HERC1: variants seen among roughly 807,000 people sequenced by gnomAD.
The protein encoded by HERC1 is probable E3 ubiquitin-protein ligase HERC1.
A neutral mutation model predicts 554.3 loss-of-function variants in HERC1; 160 were observed. That is an observed-to-expected ratio of 0.29 (90% confidence interval 0.25 to 0.33). The LOEUF is 0.33. Among genes scored for constraint, HERC1 ranks in the 10% least tolerant of loss-of-function variants. HERC1 has a pLI of 1.00. For synonymous variants in HERC1, 2,175 were observed against 2,131.7 expected (o/e 1.02, Z -0.56); for missense variants, 4,919 against 5,918.5 (o/e 0.83, Z 5.54).
intron 1 of HERC1, among the ~76,000 whole-genome samples, chr15:63,798,522 T>C (rs2076878725): frequency 6.6e-6 from 1 of 151,000 alleles, no homozygotes; most frequent in African/African-American, 2.4e-5. Flanking sequence ...ACTAAAGTCC[T>C]TCCTCTTCAT....
At position 63,696,183 on chromosome 15, in the gene HERC1, A is replaced by C; in HGVS notation, c.5062T>G (p.Leu1688Val). The C allele has an allele frequency of 6.2e-7, 1 of 1,613,764 alleles. No homozygotes were observed. The highest frequency in any genetic ancestry group is 8.5e-7 in the Non-Finnish European group (1 of 1,179,796). Reference sequence around the variant, plus strand: ...CCTCCTGTGTGTCCAACAGTGCCTAAACCAAAACACCCTGCTAGGAACTGC... The same window carrying C: ...CCTCCTGTGTGTCCAACAGTGCCTACACCAAAACACCCTGCTAGGAACTGC... The part of the protein sequence containing the change: ...RLQFLAGCFG[L>V]GTVGHTGGKG... The change falls in exon 27 of 78, where the codon TTA becomes GTA. Residue 1688 changes from leucine (L) to valine (V), a missense_variant. This residue lies in a region of HERC1 where 1,121 missense variants were observed against 1,244.0 expected (regional missense o/e 0.90). Coordinates refer to ENST00000443617, the MANE Select transcript of HERC1 (RefSeq NM_003922.4).
rs1223799984 is a variant in HERC1, at chr15:63,758,163, T to G, written c.1221+12A>C. On this transcript the variant is annotated intron_variant, in intron 4 of 77. Coordinates refer to ENST00000443617, the MANE Select transcript of HERC1 (RefSeq NM_003922.4). This position sits in a 1 kb window ranked among gnomAD's most constrained non-coding sequence, Gnocchi z 4.0. ...ATTATCTACCAGTTTGTAAGCTATTTAGAAAACTTACGGTCTGTGCATCAG... is the reference window on the plus strand; with the variant it reads ...ATTATCTACCAGTTTGTAAGCTATTGAGAAAACTTACGGTCTGTGCATCAG... 7 of 1,578,644 alleles carry G rather than the reference T, an allele frequency of 4.4e-6. No individual in the cohort carries two copies. The highest frequency in any genetic ancestry group is 6.1e-6 in the Non-Finnish European group (7 of 1,151,586).
intron 3 of HERC1, among the ~76,000 whole-genome samples, chr15:63,760,362 T>C (rs1482142219): frequency 7.0e-6 from 1 of 142,586 alleles, no homozygotes; most frequent in Non-Finnish European, 1.5e-5. Context: ...AAATCCCATA[T>C]GAAGTTATTA....
intron 14 of HERC1, among the ~76,000 whole-genome samples, chr15:63,731,184 T>A (rs985194022): frequency 6.6e-6 from 1 of 152,212 alleles, no homozygotes; most frequent in Non-Finnish European, 1.5e-5. Flanking sequence ...ATGTTTCTGT[T>A]ATTTCCAACT....
chr15:63,760,259 G>A (rs1421278335), intron 3 of HERC1, among the ~76,000 whole-genome samples: 1 of 151,838 alleles, frequency 6.6e-6, no homozygotes, highest in Non-Finnish European at 1.5e-5. Context: ...GGAGTCTATG[G>A]AGTTTAAAAA....
chr15:63,735,832 T>C (rs887345544), intron 12 of HERC1, among the ~76,000 whole-genome samples: 12 of 152,212 alleles, frequency 7.9e-5, no homozygotes, highest in African/African-American at 2.9e-4. Flanking sequence ...TCCAAAAGCA[T>C]GTGTCCTCCA....
At chr15:63,744,164 G>GTGTGTCTC in intron 12 of HERC1, among the ~76,000 whole-genome samples, 34 of 46,274 alleles carry the variant, frequency 7.3e-4, no homozygotes, top group East Asian at 2.0e-3. Flanking sequence ...GTGTGTGTGT[G>GTGTGTCTC]TCTCTCTCTC....
At chr15:63,696,653 T>G (rs1040068320) in intron 26 of HERC1, among the ~76,000 whole-genome samples, 2 of 152,304 alleles carry the variant, frequency 1.3e-5, no homozygotes, top group African/African-American at 4.8e-5. Context: ...TTACTGAATT[T>G]GTTTCCTCGT....
intron 11 of HERC1, 146 bp from the exon 12 acceptor site, chr15:63,747,229 G>A (rs2075087319): frequency 3.1e-6 from 2 of 650,266 alleles, no homozygotes; most frequent in East Asian, 5.8e-5. Flanking sequence ...GGAGGCGGAG[G>A]TGGGTGGATC....
chr15:63,609,128 G>C lies in HERC1; in HGVS notation c.14539C>G (p.Leu4847Val). ...TCGGCGTTGTCCACGTTTCTCGAGA[G>C]CATGTAGTTGTCCATGTCGATTGAG... ...CRSIDMDNYM[L>V]SRNVDNAEGS... The change falls in exon 78 of 78, where the codon CTC becomes GTC. Residue 4847 changes from leucine (L) to valine (V), a missense_variant. Around this residue, in one of 11 missense-constraint regions of HERC1, gnomAD observed 71 missense variants for 101.4 expected, o/e 0.70. Transcript: ENST00000443617. 6.2e-7 allele frequency: 1 copy of C among 1,613,978 alleles called. No homozygotes were observed. The highest frequency in any genetic ancestry group is 8.5e-7 in the Non-Finnish European group (1 of 1,179,880).
At chr15:63,682,103 G>C (rs2071509016) in intron 34 of HERC1, among the ~76,000 whole-genome samples, 1 of 152,030 alleles carries the variant, frequency 6.6e-6, no homozygotes, top group African/African-American at 2.4e-5. Flanking sequence ...AATATTGCTG[G>C]GGAAAAAGAA....
intron 1 of HERC1, among the ~76,000 whole-genome samples, chr15:63,821,482 G>A (rs1168414137): frequency 1.3e-5 from 2 of 151,024 alleles, no homozygotes; most frequent in African/African-American, 4.9e-5. Context: ...CTTGAACCAA[G>A]GAGGCAGAGG....
intron 1 of HERC1, chr15:63,779,730 T>A (rs2076224284): frequency 6.6e-6 from 1 of 152,172 alleles, no homozygotes; most frequent in African/African-American, 2.4e-5. Flanking sequence ...GATGATATTA[T>A]TCAGGCCAGG....
At chr15:63,782,260 G>A (rs1197744829) in intron 1 of HERC1, among the ~76,000 whole-genome samples, 1 of 152,178 alleles carries the variant, frequency 6.6e-6, no homozygotes, top group East Asian at 1.9e-4. Flanking sequence ...TGCCTTCAAA[G>A]GACAGGTTGA....
At position 63,619,320 on chromosome 15, in the gene HERC1, C is replaced by T. The variant is rs527753120; in HGVS notation, c.13689-2638G>A. 1.5e-3 allele frequency among the ~76,000 whole-genome samples: 221 copies of T among 148,578 alleles called. 1 individual carries two copies. Among genetic ancestry groups the T allele is most frequent in the Non-Finnish European group, 2.2e-3 (146 of 66,330 alleles). ...TGTTTATTGATTTTCGTATGTTGAA[C>T]CAGCCTTGCATCCCAGGGATGAAGC... On this transcript the variant is annotated intron_variant, in intron 74 of 77. Transcript: ENST00000443617.
intron 61 of HERC1, 149 bp downstream of exon 61, chr15:63,640,003 G>A: frequency 1.3e-6 from 1 of 745,012 alleles, no homozygotes. Context: ...GATTGAAAGT[G>A]ACTATCTGAA....
intron 1 of HERC1, among the ~76,000 whole-genome samples, chr15:63,792,024 T>G (rs967330184): frequency 3.3e-5 from 5 of 152,232 alleles, no homozygotes; most frequent in African/African-American, 1.2e-4. Context: ...ATTTAATTTT[T>G]CATTTTTCCA....
intron 68 of HERC1, among the ~76,000 whole-genome samples, chr15:63,631,266 G>A (rs1003023653): frequency 2.6e-5 from 4 of 152,156 alleles, no homozygotes; most frequent in African/African-American, 7.2e-5. Context: ...CCCCTGATGC[G>A]CAAAGTCTGC....
intron 18 of HERC1, among the ~76,000 whole-genome samples, chr15:63,723,788 T>TAAAA (rs1380409704): frequency 6.6e-6 from 1 of 152,160 alleles, no homozygotes; most frequent in Non-Finnish European, 1.5e-5. Context: ...TTTAATAGAC[T>TAAAA]TAAGTAAAAA....
Sources: gnomAD v4.1 joint callset for allele counts (sites outside exome capture counted in the v4.1 genomes callset) on GRCh38, gnomAD v4.1.1 for gene constraint, gnomAD v4.1.1 regional missense constraint, Gnocchi (gnomAD v3.1) non-coding constraint, MANE v1.5 for transcripts, NCBI Gene and HGNC (gene_info 2026-07-23, HGNC 2026-07-21) for gene names.